Variants in CPA6 observed in about 807,000 individuals in gnomAD.
CPA6 encodes the protein carboxypeptidase A6.
Under a neutral mutation model 63.3 loss-of-function variants are expected in CPA6, and 58 were observed. The observed-to-expected ratio is 0.92, with a 90% CI of 0.74 to 1.14. The LOEUF is 1.14. Among genes scored for constraint, CPA6 ranks in the 50% most tolerant of loss-of-function variants. CPA6 has a pLI of 0.00. For missense variants in CPA6, 565 were observed against 526.6 expected (o/e 1.07, Z -0.71); for synonymous variants, 185 against 179.0 (o/e 1.03, Z -0.27).
At chr8:67,514,547 T>C (rs1451005794) in intron 3 of CPA6, among the ~76,000 whole-genome samples, 1 of 152,254 alleles carries the variant, frequency 6.6e-6, no homozygotes, top group African/African-American at 2.4e-5. Context: ...TATGTTATTA[T>C]CTTGGGACCA....
At chr8:67,461,867 A>G (rs1456597753) in intron 8 of CPA6, among the ~76,000 whole-genome samples, 5 of 152,160 alleles carry the variant, frequency 3.3e-5, no homozygotes, top group East Asian at 1.9e-4. Context: ...TTATGGGCCC[A>G]TGAGGCCTCT....
chr8:67,719,487 G>A (rs1186236550), intron 1 of CPA6, among the ~76,000 whole-genome samples: 1 of 152,132 alleles, frequency 6.6e-6, no homozygotes, highest in Non-Finnish European at 1.5e-5. Flanking sequence ...AGTTATGGAG[G>A]GCCTTGGATG....
At chr8:67,734,869 C>T in intron 1 of CPA6, among the ~76,000 whole-genome samples, 1 of 152,096 alleles carries the variant, frequency 6.6e-6, no homozygotes, top group East Asian at 1.9e-4. Flanking sequence ...GTTGGTGATT[C>T]ATGAATTAGT....
chr8:67,476,012 C>T (rs1342192659), intron 8 of CPA6, among the ~76,000 whole-genome samples: 1 of 148,048 alleles, frequency 6.8e-6, no homozygotes, highest in South Asian at 2.1e-4. Context: ...TTCCTTCTTT[C>T]CTTCCTTTCT....
chr8:67,422,759 A>G, intron 10 of CPA6, 68 bp from the exon 11 acceptor site: 1 of 1,200,044 alleles, frequency 8.3e-7, no homozygotes, highest in East Asian at 2.4e-5. Context: ...CTAAATGTAT[A>G]TACTATAAAG....
At chr8:67,554,702 G>C (rs767339743) in intron 2 of CPA6, among the ~76,000 whole-genome samples, 1 of 152,142 alleles carries the variant, frequency 6.6e-6, no homozygotes, top group African/African-American at 2.4e-5. Flanking sequence ...TGAGAGCCTG[G>C]GGGCTGTTGG....
chr8:67,723,875 A>C (rs1213124035), intron 1 of CPA6, among the ~76,000 whole-genome samples: 1 of 152,212 alleles, frequency 6.6e-6, no homozygotes, highest in African/African-American at 2.4e-5. Context: ...GCTAAAACTA[A>C]ATACCACAAA....
chr8:67,512,687 C>T (rs1278680191), intron 3 of CPA6, among the ~76,000 whole-genome samples: 1 of 152,078 alleles, frequency 6.6e-6, no homozygotes, highest in South Asian at 2.1e-4. Flanking sequence ...TTAGAAAGCC[C>T]CCCAGTGATT....
chr8:67,657,749 G>A (rs926863424), intron 1 of CPA6, among the ~76,000 whole-genome samples: 14 of 152,160 alleles, frequency 9.2e-5, no homozygotes, highest in Non-Finnish European at 1.8e-4. Flanking sequence ...TCTTTCTCCT[G>A]TCTTTCTGTC....
At position 67,432,295 on chromosome 8, in the gene CPA6, C is replaced by T. The variant is rs528724477; in HGVS notation, c.1041+1743G>A. Among the ~76,000 whole-genome samples the T allele has an allele frequency of 2.0e-5, 3 of 152,268 alleles. No homozygotes were observed. In the South Asian group the frequency reaches 6.2e-4, roughly 32 times the overall value. On this transcript the variant is annotated intron_variant, in intron 9 of 10. Transcript: ENST00000297770. ...ATCAATTAGACCTATGTAATGAAAT[C>T]GTCATGAATACCCCTAAACAGCAGG...
At chr8:67,689,195 T>TA (rs1376076557) in intron 1 of CPA6, among the ~76,000 whole-genome samples, 1 of 152,186 alleles carries the variant, frequency 6.6e-6, no homozygotes, top group Non-Finnish European at 1.5e-5. Flanking sequence ...AAGTTACCGT[T>TA]ACGCCTGGTT....
intron 8 of CPA6, among the ~76,000 whole-genome samples, chr8:67,436,386 ATTT>A (rs200562889): frequency 2.0e-4 from 28 of 137,274 alleles, no homozygotes; most frequent in African/African-American, 3.1e-4. Context: ...GTTGTTGGGT[ATTT>A]TTTTTTTTTT....
chr8:67,607,781 G>A (rs1204686656), intron 2 of CPA6, among the ~76,000 whole-genome samples: 1 of 152,024 alleles, frequency 6.6e-6, no homozygotes, highest in Non-Finnish European at 1.5e-5. Flanking sequence ...ATGTTCCTTT[G>A]TCTACTGCCC....
At chr8:67,564,891 G>T (rs996122883) in intron 2 of CPA6, among the ~76,000 whole-genome samples, 1 of 152,078 alleles carries the variant, frequency 6.6e-6, no homozygotes, top group Admixed American at 6.5e-5. Context: ...TAACACTATC[G>T]TTATGACAAA....
At chr8:67,520,378 C>G (rs1812235001) in intron 2 of CPA6, among the ~76,000 whole-genome samples, 1 of 152,012 alleles carries the variant, frequency 6.6e-6, no homozygotes, top group Admixed American at 6.6e-5. Context: ...AAAGTGTGCT[C>G]AGAAATGTGC....
intron 1 of CPA6, among the ~76,000 whole-genome samples, chr8:67,740,762 G>GT (rs1434035937): frequency 4.3e-4 from 66 of 152,020 alleles, no homozygotes; most frequent in Admixed American, 1.2e-3. Context: ...TAGAAACAGG[G>GT]TTTTGCCATG....
In CPA6 at chr8:67,434,147, C is replaced by T. The variant is rs143321447; in HGVS notation, c.932G>A (p.Arg311Gln). ...PEVKAVANFLRKHRKHIRAYL... is the reference protein window; with the variant it reads ...PEVKAVANFLQKHRKHIRAYL... Reference sequence around the variant, plus strand: ...AGCCCTAATGTGCTTTCTGTGTTTTCGAAGGAAGTTAGCTACAGCCTTCAC... The same window carrying T: ...AGCCCTAATGTGCTTTCTGTGTTTTTGAAGGAAGTTAGCTACAGCCTTCAC... Residue 311 changes from arginine (R) to glutamine (Q), a missense_variant, in exon 9 of 11, where the codon CGA (arginine) becomes CAA (glutamine). By Grantham distance (43) the Arg-to-Gln change is conservative. Transcript: ENST00000297770. 1.3e-3 allele frequency: 2,127 copies of T among 1,614,020 alleles called. 6 individuals carry two copies. The highest frequency in any genetic ancestry group is 1.6e-3 in the Non-Finnish European group (1,830 of 1,179,974).
intron 8 of CPA6, among the ~76,000 whole-genome samples, chr8:67,456,434 C>G (rs1310748349): frequency 6.6e-6 from 1 of 152,190 alleles, no homozygotes; most frequent in Non-Finnish European, 1.5e-5. Context: ...AATTTCCTTT[C>G]AATACACTCA....
At chr8:67,632,531 C>T (rs1028476907) in intron 1 of CPA6, among the ~76,000 whole-genome samples, 8 of 152,074 alleles carry the variant, frequency 5.3e-5, no homozygotes, top group African/African-American at 1.2e-4. Flanking sequence ...AGGCTACTCT[C>T]GAATTCCTGG....
Sources: allele counts gnomAD v4.1 joint callset (sites outside exome capture counted in the v4.1 genomes callset), GRCh38; gene constraint gnomAD v4.1.1; transcripts MANE v1.5; gene names NCBI Gene and HGNC (gene_info 2026-07-23, HGNC 2026-07-21).